Variants in PRCP observed in about 807,000 individuals in gnomAD.
The protein encoded by PRCP is lysosomal Pro-X carboxypeptidase.
Under a neutral mutation model 54.2 loss-of-function variants are expected in PRCP, and 46 were observed. The ratio of observed to expected loss-of-function variants is 0.85; its 90% CI spans 0.67 to 1.09. PRCP has a LOEUF of 1.09. Ranked by LOEUF, PRCP falls within the 50% of genes least tolerant of loss-of-function variation. The pLI is 0.00. For synonymous variants in PRCP, 240 were observed against 212.2 expected (o/e 1.13, Z -1.14); for missense variants, 613 against 596.8 (o/e 1.03, Z -0.28).
At chr11:82,866,888 A>C (rs1299692712) in intron 1 of PRCP, among the ~76,000 whole-genome samples, 1 of 151,644 alleles carries the variant, frequency 6.6e-6, no homozygotes, top group Non-Finnish European at 1.5e-5. Context: ...CACCCGGATA[A>C]TTTTTGTATT....
intron 1 of PRCP, among the ~76,000 whole-genome samples, chr11:82,877,503 G>A (rs1028465341): frequency 6.6e-6 from 1 of 152,292 alleles, no homozygotes; most frequent in South Asian, 2.1e-4. Flanking sequence ...GCTGTGTGCA[G>A]CCTAGGGACT....
Position 82,838,471 on chromosome 11 carries a change from T to G in PRCP, c.1190A>C (p.Gln397Pro). 6.2e-7 allele frequency: 1 copy of G among 1,614,138 alleles called. No homozygotes were observed. ...LKELSDDCFQ[Q>P]WGVRPRPSWI... is the part of the protein sequence containing the mutation. ...GGAGGGCCTTGGTCTCACACCCCAC[T>G]GTTGAAAACAGTCATCAGAAAGTTC... The change falls in exon 8 of 9, where the codon CAG becomes CCG. Residue 397 changes from glutamine (Q) to proline (P), a missense_variant. By Grantham distance (76) the Gln-to-Pro change is moderately conservative (BLOSUM62 -1). Transcript: ENST00000313010.
At chr11:82,896,810 G>A (rs1326597478) in intron 1 of PRCP, among the ~76,000 whole-genome samples, 1 of 151,774 alleles carries the variant, frequency 6.6e-6, no homozygotes, top group Non-Finnish European at 1.5e-5. Flanking sequence ...GAAGATTTTG[G>A]ACTTACTAAG....
intron 3 of PRCP, 107 bp from the exon 4 acceptor site, chr11:82,850,612 T>A (rs1407783506): frequency 1.1e-6 from 1 of 902,270 alleles, no homozygotes; most frequent in African/African-American, 1.7e-5. Context: ...TTTCTCTAAA[T>A]AGAATTTCTA....
chr11:82,839,193 A>G, intron 7 of PRCP, 68 bp downstream of exon 7: 1 of 1,498,840 alleles, frequency 6.7e-7, no homozygotes, highest in South Asian at 1.3e-5. Context: ...GTGTACCCTG[A>G]TTTTTTTTTA....
chr11:82,864,284 A>G (rs1859279299), intron 1 of PRCP, among the ~76,000 whole-genome samples: 1 of 152,244 alleles, frequency 6.6e-6, no homozygotes, highest in African/African-American at 2.4e-5. Flanking sequence ...AATTTACAGA[A>G]TTTCCTTGGC....
intron 8 of PRCP, among the ~76,000 whole-genome samples, chr11:82,834,865 A>G (rs767382211): frequency 6.6e-6 from 1 of 152,186 alleles, no homozygotes; most frequent in Non-Finnish European, 1.5e-5. Context: ...ACCTGAGGTC[A>G]GGAGTTTGGG....
At chr11:82,880,584 A>T (rs1859723976) in intron 1 of PRCP, among the ~76,000 whole-genome samples, 1 of 152,104 alleles carries the variant, frequency 6.6e-6, no homozygotes, top group African/African-American at 2.4e-5. Flanking sequence ...GAAATGCAGA[A>T]ATCACCCATC....
chr11:82,880,951 T>C (rs1020482884), intron 1 of PRCP, among the ~76,000 whole-genome samples: 3 of 152,250 alleles, frequency 2.0e-5, no homozygotes, highest in East Asian at 1.9e-4. Context: ...CTTCCTACAA[T>C]AGGAAGTCAT....
intron 1 of PRCP, among the ~76,000 whole-genome samples, chr11:82,888,595 T>G (rs1321755404): frequency 1.3e-5 from 2 of 152,138 alleles, no homozygotes; most frequent in African/African-American, 4.8e-5. Context: ...AAACAAGAAA[T>G]GCAGCATTCC....
At position 82,853,171 on chromosome 11, in the gene PRCP, C is replaced by A; in HGVS notation, c.411+6G>T. On this transcript the variant is annotated splice_donor_region_variant and intron_variant, in intron 3 of 8. Coordinates refer to ENST00000313010, the MANE Select transcript of PRCP (RefSeq NM_005040.4). Reference sequence around the variant, plus strand: ...CTTGTAACTTTTAAGTAAAAAGTATCTTTACCTTGAATGAGTTGTCACCAA... The same window carrying A: ...CTTGTAACTTTTAAGTAAAAAGTATATTTACCTTGAATGAGTTGTCACCAA... The A allele has an allele frequency of 6.3e-7, 1 of 1,575,644 alleles. No homozygotes were observed. Among genetic ancestry groups the A allele is most frequent in the Non-Finnish European group, 8.7e-7 (1 of 1,154,396 alleles).
chr11:82,845,060 T>G (rs540215607), intron 6 of PRCP, among the ~76,000 whole-genome samples: 3 of 146,450 alleles, frequency 2.0e-5, no homozygotes, highest in Non-Finnish European at 4.5e-5. Context: ...AACTGTAAAA[T>G]AGTAGAGTGA....
intron 1 of PRCP, among the ~76,000 whole-genome samples, chr11:82,897,445 G>A (rs893261466): frequency 6.6e-6 from 1 of 152,052 alleles, no homozygotes; most frequent in African/African-American, 2.4e-5. Context: ...GAGTACTAAC[G>A]AGCTGGAGGG....
chr11:82,832,025 A>G (rs1372812858), intron 8 of PRCP, among the ~76,000 whole-genome samples: 1 of 152,210 alleles, frequency 6.6e-6, no homozygotes, highest in Non-Finnish European at 1.5e-5. Context: ...AGCTTCATCC[A>G]TGGCCATGCA....
chr11:82,826,901 T>C lies in PRCP; in HGVS notation c.1275-1779A>G, dbSNP rs553667682. On this transcript the variant is annotated intron_variant, in intron 8 of 8. Transcript: ENST00000313010. ...GGGATCAGACACACTTTGGTTCCAA[T>C]TTCAGGTCTGCCTCTCATCTGCCTA... 6 of 152,312 alleles carry C rather than the reference T, an allele frequency of 3.9e-5. No homozygotes were observed. The East Asian group carries it at 1.2e-3, about 29-fold the overall frequency. The allele number at this position is 152,312 out of a possible 1,614,324, so 9.4% of individuals were successfully genotyped here.
intron 1 of PRCP, among the ~76,000 whole-genome samples, chr11:82,860,935 T>C (rs997915757): frequency 6.6e-6 from 1 of 152,170 alleles, no homozygotes; most frequent in African/African-American, 2.4e-5. Flanking sequence ...TGGAGAGTTA[T>C]ATTTAAAGAA....
At chr11:82,839,465 A>G (rs1360374310) in intron 6 of PRCP, 40 bp from the exon 7 acceptor site, 4 of 1,550,556 alleles carry the variant, frequency 2.6e-6, no homozygotes, top group Non-Finnish European at 3.5e-6. Context: ...GAGTCAGAAT[A>G]TGAATATAAA....
At chr11:82,852,280 T>G (rs925321167) in intron 3 of PRCP, among the ~76,000 whole-genome samples, 1 of 152,210 alleles carries the variant, frequency 6.6e-6, no homozygotes, top group African/African-American at 2.4e-5. Flanking sequence ...TTTACTATTG[T>G]ATTTATTTAT....
intron 8 of PRCP, chr11:82,827,541 T>G (rs189481701): frequency 6.6e-6 from 1 of 152,186 alleles, no homozygotes; most frequent in Non-Finnish European, 1.5e-5. Flanking sequence ...TGAATTGTCT[T>G]GCCACTTTTG....
Sources: gnomAD v4.1 joint callset for allele counts (sites outside exome capture counted in the v4.1 genomes callset) on GRCh38, gnomAD v4.1.1 for gene constraint, MANE v1.5 for transcripts, NCBI Gene and HGNC (gene_info 2026-07-23, HGNC 2026-07-21) for gene names.